Variants in RAD23B observed in about 807,000 individuals in gnomAD.
The protein encoded by RAD23B is RAD23 nucleotide excision repair protein B, also known as lysine-specific demethylase RAD23B.
RAD23B carries 5 observed loss-of-function variants against 49.1 expected under a neutral mutation model. That is an observed-to-expected ratio of 0.10 (90% CI 0.05 to 0.21). RAD23B has a LOEUF of 0.21. Among genes scored for constraint, RAD23B ranks in the 10% least tolerant of loss-of-function variants. The probability of loss-of-function intolerance (pLI) is 1.00; values close to 1 mark genes in which losing one functional copy is unlikely to be tolerated. For missense variants in RAD23B, 356 were observed against 486.7 expected (o/e 0.73, Z 2.53); for synonymous variants, 184 against 165.4 (o/e 1.11, Z -0.86).
At chr9:107,326,437 C>T (rs754980533) in intron 9 of RAD23B, among the ~76,000 whole-genome samples, 24 of 144,504 alleles carry the variant, frequency 1.7e-4, no homozygotes, top group African/African-American at 2.3e-4. Context: ...GCCGAGATTG[C>T]GCCACTGCAC....
intron 5 of RAD23B, among the ~76,000 whole-genome samples, chr9:107,316,912 A>C (rs1244095824): frequency 6.6e-6 from 1 of 152,136 alleles, no homozygotes; most frequent in Admixed American, 6.5e-5. Flanking sequence ...AATGCCTTTT[A>C]AATATGGAAC....
intron 1 of RAD23B, among the ~76,000 whole-genome samples, chr9:107,286,318 G>A (rs1481100590): frequency 1.3e-5 from 2 of 152,206 alleles, no homozygotes; most frequent in Non-Finnish European, 2.9e-5. Flanking sequence ...CCTGTAGAAC[G>A]TGGTCTGGGG....
chr9:107,293,364 G>GA (rs1833422374), intron 1 of RAD23B, among the ~76,000 whole-genome samples: 1 of 152,210 alleles, frequency 6.6e-6, no homozygotes, highest in African/African-American at 2.4e-5. Context: ...CATCTTGGGT[G>GA]TTGGCTACTA....
intron 4 of RAD23B, among the ~76,000 whole-genome samples, chr9:107,308,478 C>T (rs968711303): frequency 1.3e-5 from 2 of 152,158 alleles, no homozygotes; most frequent in African/African-American, 4.8e-5. Context: ...CTCGGCCTCC[C>T]AAAGTGCTGG....
At chr9:107,285,928 TACG>T (rs1833266371) in intron 1 of RAD23B, among the ~76,000 whole-genome samples, 1 of 152,242 alleles carries the variant, frequency 6.6e-6, no homozygotes, top group Non-Finnish European at 1.5e-5. Context: ...GTGTTTTTGA[TACG>T]ACACCTTAGA....
chr9:107,295,531 A>AT (rs1322833837), intron 1 of RAD23B, among the ~76,000 whole-genome samples: 3 of 152,194 alleles, frequency 2.0e-5, no homozygotes, highest in Admixed American at 1.3e-4. Flanking sequence ...AAAGATGAAA[A>AT]TAAGTTCCTC....
chr9:107,291,877 T>C (rs1206198404), intron 1 of RAD23B, among the ~76,000 whole-genome samples: 3 of 152,228 alleles, frequency 2.0e-5, no homozygotes, highest in African/African-American at 7.2e-5. Context: ...GGCCGTGTAG[T>C]ATTAGAACTG....
At chr9:107,324,778 C>A in intron 8 of RAD23B, 56 bp from the exon 9 acceptor site, 1 of 1,452,376 alleles carries the variant, frequency 6.9e-7, no homozygotes, top group South Asian at 1.4e-5. Context: ...TTTCTCTGTT[C>A]CTGCAGATAC....
intron 5 of RAD23B, among the ~76,000 whole-genome samples, chr9:107,316,659 T>C (rs1459424051): frequency 6.6e-6 from 1 of 150,406 alleles, no homozygotes; most frequent in Non-Finnish European, 1.5e-5. Context: ...TATTTGGGGG[T>C]TTTTAGCTAT....
rs1214795025 is a variant in RAD23B, at chr9:107,330,712, T to A, written c.*1056T>A. The A allele has an allele frequency of 6.5e-6, 1 of 152,680 alleles. No individual in the cohort carries two copies. Among genetic ancestry groups the A allele is most frequent in the Non-Finnish European group, 1.5e-5 (1 of 68,040 alleles). 9.5% of individuals were successfully genotyped at this position (152,680 alleles called of 1,614,324 possible). A position where few individuals can be genotyped will look rare whatever the true frequency, so the allele number is the denominator to read the frequency against. On this transcript the variant is annotated 3_prime_UTR_variant, in exon 10 of 10. Transcript: ENST00000358015. The surrounding 1 kb of genome is among the most constrained non-coding windows in gnomAD (Gnocchi z 4.4). ...AGATAAGAGTGTATTACCATTAAAG[T>A]CATTAGTATAATATTGCTTTCAAAA... is the stretch of plus-strand genomic sequence containing the variant.
chr9:107,328,585 G>C (rs1257041447), intron 9 of RAD23B, among the ~76,000 whole-genome samples: 2 of 150,364 alleles, frequency 1.3e-5, no homozygotes, highest in Non-Finnish European at 3.0e-5. Context: ...ACGGAGCTCA[G>C]GTGGTAATTC....
chr9:107,311,822 T>G (rs1826895379), intron 5 of RAD23B, 85 bp downstream of exon 5: 1 of 1,012,664 alleles, frequency 9.9e-7, no homozygotes, highest in Admixed American at 2.8e-5. Context: ...AAAGTGTTAA[T>G]AATTTGCATG....
At chr9:107,323,824 ATTAT>A (rs1827152408) in intron 7 of RAD23B, 62 bp from the exon 8 acceptor site, 18 of 1,413,130 alleles carry the variant, frequency 1.3e-5, no homozygotes, top group East Asian at 1.1e-4. Context: ...GTCTAAATGT[ATTAT>A]TTAACCACTG....
At chr9:107,307,249 A>G (rs1482187205) in intron 4 of RAD23B, among the ~76,000 whole-genome samples, 1 of 152,220 alleles carries the variant, frequency 6.6e-6, no homozygotes, top group Non-Finnish European at 1.5e-5. Flanking sequence ...GTGTTGAGAT[A>G]TTTGAGGAGC....
intron 1 of RAD23B, among the ~76,000 whole-genome samples, chr9:107,287,215 T>A (rs1833288639): frequency 7.3e-6 from 1 of 137,000 alleles, no homozygotes; most frequent in Non-Finnish European, 1.5e-5. Context: ...AAGGTAGATT[T>A]AGGAATAAAC....
At chr9:107,301,304 A>C (rs1826647146) in intron 2 of RAD23B, among the ~76,000 whole-genome samples, 1 of 152,138 alleles carries the variant, frequency 6.6e-6, no homozygotes, top group African/African-American at 2.4e-5. Flanking sequence ...GGGAGCAGGA[A>C]ATTTGTTTCT....
intron 1 of RAD23B, among the ~76,000 whole-genome samples, chr9:107,294,478 A>G (rs1383726802): frequency 6.6e-6 from 1 of 152,220 alleles, no homozygotes; most frequent in African/African-American, 2.4e-5. Flanking sequence ...GGCTCAGCGC[A>G]GTTAAAGGAG....
chr9:107,283,550 CG>C lies in RAD23B; in HGVS notation c.-76del. ...AGAGCGCGAGGAGCGCGGGCGACCC[CG>C]GGGCCCCGCCAGGCCACAGACCCCG... On this transcript the variant is annotated 5_prime_UTR_variant, in exon 1 of 10. Transcript: ENST00000358015. The C allele has an allele frequency of 8.7e-7, 1 of 1,149,146 alleles. No individual in the cohort carries two copies. Among genetic ancestry groups the C allele is most frequent in the South Asian group, 2.2e-5 (1 of 46,210 alleles). The allele number at this position is 1,149,146 out of a possible 1,614,324, so 71.2% of individuals were successfully genotyped here.
chr9:107,295,206 A>G (rs1230967383), intron 1 of RAD23B, among the ~76,000 whole-genome samples: 2 of 152,082 alleles, frequency 1.3e-5, no homozygotes, highest in African/African-American at 4.8e-5. Flanking sequence ...AAGTGAGGAC[A>G]GTGGTGTGTA....
Sources: allele counts gnomAD v4.1 joint callset (sites outside exome capture counted in the v4.1 genomes callset), GRCh38; gene constraint gnomAD v4.1.1; non-coding constraint Gnocchi (gnomAD v3.1); transcripts MANE v1.5; gene names NCBI Gene and HGNC (gene_info 2026-07-23, HGNC 2026-07-21).